Variants in ST8SIA4 observed in about 807,000 individuals in gnomAD.
ST8SIA4 encodes the protein ST8 alpha-N-acetyl-neuraminide alpha-2,8-sialyltransferase 4, also known as CMP-N-acetylneuraminate-poly-alpha-2,8-sialyltransferase.
Under a neutral mutation model 33.9 loss-of-function variants are expected in ST8SIA4, and 15 were observed. The ratio of observed to expected loss-of-function variants is 0.44; its 90% CI spans 0.30 to 0.68. The LOEUF is 0.68. Ranked by LOEUF, ST8SIA4 falls within the 30% of genes least tolerant of loss-of-function variation. The probability of loss-of-function intolerance (pLI) is 0.10; values close to 1 mark genes in which losing one functional copy is unlikely to be tolerated. For missense variants in ST8SIA4, 321 were observed against 428.0 expected (o/e 0.75, Z 2.21); for synonymous variants, 171 against 151.2 (o/e 1.13, Z -0.96).
chr5:100,848,931 A>ATATATATATTTAT (rs1419116984), intron 4 of ST8SIA4: 3 of 164,288 alleles, frequency 1.8e-5, no homozygotes, highest in Non-Finnish European at 3.7e-5. Flanking sequence ...TATATTTCAA[A>ATATATATATTTAT]TATATATATT....
At chr5:100,873,747 A>G (rs2112459543) in intron 3 of ST8SIA4, among the ~76,000 whole-genome samples, 1 of 152,306 alleles carries the variant, frequency 6.6e-6, no homozygotes, top group East Asian at 1.9e-4. Context: ...AAGGTGGGGA[A>G]GAGGAGACTA....
intron 1 of ST8SIA4, among the ~76,000 whole-genome samples, chr5:100,898,258 A>C (rs73162282): frequency 0.056 from 8,589 of 152,232 alleles, 729 homozygotes; most frequent in African/African-American, 0.18. Flanking sequence ...TAGGAGTTAG[A>C]GACCAGCCTG....
At chr5:100,838,736 A>C (rs1751412925) in intron 4 of ST8SIA4, among the ~76,000 whole-genome samples, 1 of 151,996 alleles carries the variant, frequency 6.6e-6, no homozygotes, top group African/African-American at 2.4e-5. Flanking sequence ...AATTCCAGAG[A>C]CTCACTGTAA....
In ST8SIA4 at chr5:100,895,740, A is replaced by G; in HGVS notation, c.159T>C (p.Asp53=). 3.7e-6 allele frequency: 6 copies of G among 1,612,904 alleles called. No individual in the cohort carries two copies. The highest frequency in any genetic ancestry group is 5.1e-6 in the Non-Finnish European group (6 of 1,179,176). ...AAGAGCCAGCCTTTCGAATGATTTT[A>G]TCAGAGCTATTGACAAGTGACCGAC... ...SLSRSLVNSS[D]KIIRKAGSSI... is the part of the protein sequence containing the mutation. The change falls in exon 2 of 5, where the codon GAT becomes GAC. Residue 53 remains aspartate (D), a synonymous_variant. Transcript: ENST00000231461.
At chr5:100,872,616 G>A (rs1357169203) in intron 3 of ST8SIA4, among the ~76,000 whole-genome samples, 1 of 152,044 alleles carries the variant, frequency 6.6e-6, no homozygotes, top group African/African-American at 2.4e-5. Context: ...GGTTTCATAA[G>A]GGGCTTCCCC....
intron 3 of ST8SIA4, among the ~76,000 whole-genome samples, chr5:100,880,718 T>C (rs761700713): frequency 9.2e-5 from 14 of 152,326 alleles, no homozygotes; most frequent in Admixed American, 3.3e-4. Context: ...CAGCAGTGGA[T>C]GTCATGAGAA....
Position 100,833,482 on chromosome 5 carries a change from A to G in ST8SIA4, c.798-21353T>C, listed in dbSNP as rs536769443. ...AGAGGAAGTAGGAAACTTACAGATG[A>G]TGGAACCAAGCTACTTGGATCCCAG... On this transcript the variant is annotated intron_variant, in intron 4 of 4. Transcript: ENST00000231461. Among the ~76,000 whole-genome samples, 21 of 152,240 alleles carry G rather than the reference A, an allele frequency of 1.4e-4. No individual in the cohort carries two copies. In the South Asian group the frequency reaches 3.3e-3, roughly 24 times the overall value.
chr5:100,895,512 C>G, intron 2 of ST8SIA4, 142 bp downstream of exon 2: 1 of 739,740 alleles, frequency 1.4e-6, no homozygotes, highest in Non-Finnish European at 2.1e-6. Flanking sequence ...CTTCAGTGAG[C>G]AACATTAAAT....
intron 4 of ST8SIA4, among the ~76,000 whole-genome samples, chr5:100,813,484 T>A (rs981621706): frequency 2.0e-5 from 3 of 152,070 alleles, no homozygotes; most frequent in African/African-American, 7.2e-5. Flanking sequence ...AGAACATCTG[T>A]TCTCAGTAAA....
In ST8SIA4 at chr5:100,856,276, T is replaced by C. The variant is rs1561396176; in HGVS notation, c.624A>G (p.Arg208=). The change falls in exon 4 of 5, where the codon AGA becomes AGG. Residue 208 remains arginine, a synonymous_variant. Transcript: ENST00000231461. Reference sequence around the variant, plus strand: ...TGGAAAGTCTATGCACAAATTTTTCTCTGTCACTCTCATTTCGAAAGCCTC... The same window carrying C: ...TGGAAAGTCTATGCACAAATTTTTCCCTGTCACTCTCATTTCGAAAGCCTC... ...AFGGFRNESD[R]EKFVHRLSML... The C allele has an allele frequency of 6.2e-7, 1 of 1,614,168 alleles. No homozygotes were observed. The highest frequency in any genetic ancestry group is 8.5e-7 in the Non-Finnish European group (1 of 1,179,998).
intron 4 of ST8SIA4, among the ~76,000 whole-genome samples, chr5:100,834,863 A>G (rs1231722856): frequency 6.6e-6 from 1 of 152,112 alleles, no homozygotes; most frequent in Admixed American, 6.6e-5. Context: ...TGGTGCCATG[A>G]TTCTTATACA....
chr5:100,864,308 C>T (rs1306374091), intron 3 of ST8SIA4, among the ~76,000 whole-genome samples: 1 of 152,102 alleles, frequency 6.6e-6, no homozygotes, highest in African/African-American at 2.4e-5. Flanking sequence ...GGTGCGGTGG[C>T]TCACGCCTGT....
chr5:100,821,655 A>G (rs1751032802), intron 4 of ST8SIA4, among the ~76,000 whole-genome samples: 1 of 28,648 alleles, frequency 3.5e-5, no homozygotes, highest in African/African-American at 8.1e-5. Flanking sequence ...GAATAATGTA[A>G]CATTCTTGCT....
intron 4 of ST8SIA4, among the ~76,000 whole-genome samples, chr5:100,844,117 G>A (rs1226695084): frequency 1.3e-5 from 2 of 151,892 alleles, no homozygotes; most frequent in Non-Finnish European, 2.9e-5. Flanking sequence ...AGATATGATG[G>A]CAAGTATCCT....
At chr5:100,882,935 C>T (rs754808613) in intron 3 of ST8SIA4, among the ~76,000 whole-genome samples, 1 of 152,206 alleles carries the variant, frequency 6.6e-6, no homozygotes, top group Non-Finnish European at 1.5e-5. Flanking sequence ...GGGGTGCTCA[C>T]GGATAACCTC....
At chr5:100,891,725 T>G (rs1752670726) in intron 2 of ST8SIA4, among the ~76,000 whole-genome samples, 1 of 151,992 alleles carries the variant, frequency 6.6e-6, no homozygotes, top group Admixed American at 6.6e-5. Flanking sequence ...ATGATAAATT[T>G]TAATAATATA....
At chr5:100,894,155 C>G (rs990056732) in intron 2 of ST8SIA4, among the ~76,000 whole-genome samples, 1 of 152,092 alleles carries the variant, frequency 6.6e-6, no homozygotes, top group Admixed American at 6.5e-5. Flanking sequence ...ATGAAAATGT[C>G]AAACTTGAGA....
chr5:100,828,774 G>T (rs1351747231), intron 4 of ST8SIA4, among the ~76,000 whole-genome samples: 1 of 152,202 alleles, frequency 6.6e-6, no homozygotes, highest in Non-Finnish European at 1.5e-5. Context: ...CAAGTCAAAA[G>T]AGGTAAACTA....
intron 2 of ST8SIA4, among the ~76,000 whole-genome samples, chr5:100,888,842 G>A (rs1752596958): frequency 6.6e-6 from 1 of 151,854 alleles, no homozygotes. Flanking sequence ...GAAAAACTCT[G>A]CTCTAATTTT....
Sources: gnomAD v4.1 joint callset for allele counts (sites outside exome capture counted in the v4.1 genomes callset) on GRCh38, gnomAD v4.1.1 for gene constraint, MANE v1.5 for transcripts, NCBI Gene and HGNC (gene_info 2026-07-23, HGNC 2026-07-21) for gene names.